Variants in CBLN2 observed in about 807,000 individuals in gnomAD.
CBLN2 encodes the protein cerebellin 2 precursor.
A neutral mutation model predicts 15.0 loss-of-function variants in CBLN2; 7 were observed. That is an observed-to-expected ratio of 0.47 (90% CI 0.27 to 0.88). The LOEUF (loss-of-function observed/expected upper bound fraction) is 0.88. CBLN2 is among the 40% of genes least tolerant of loss of function. The pLI, the probability that CBLN2 is intolerant of heterozygous loss-of-function variation, is 0.14. For synonymous variants in CBLN2, 149 were observed against 135.2 expected, an observed-to-expected ratio of 1.10 and a Z score of -0.71; for missense variants, 242 against 304.5, an observed-to-expected ratio of 0.79 and a Z score of 1.53.
At chr18:72,580,121 ATAG>A (rs1236153258) in intron 1 of CBLN2, among the ~76,000 whole-genome samples, 4 of 152,002 alleles carry the variant, frequency 2.6e-5, no homozygotes, top group South Asian at 4.1e-4. Context: ...ACAAGAAAAA[ATAG>A]TAGGAAAAAA....
Position 72,541,867 on chromosome 18 carries a change from C to T in CBLN2, c.294G>A (p.Thr98=), listed in dbSNP as rs769764685. ...CGGACGGCTCGTGGTTGGTGCTCCG[C>T]GTGGCGGAGAAGGCCACCTTGGCGC... is the stretch of plus-strand genomic sequence containing the variant. ...SGSAKVAFSA[T]RSTNHEPSEM... The change falls in exon 3 of 5, where the codon ACG becomes ACA. Residue 98 remains threonine (T), a synonymous_variant. Transcript: ENST00000269503. The T allele has an allele frequency of 5.0e-6, 8 of 1,604,082 alleles. No individual in the cohort carries two copies. The highest frequency in any genetic ancestry group is 6.8e-6 in the Non-Finnish European group (8 of 1,177,310).
intron 1 of CBLN2, among the ~76,000 whole-genome samples, chr18:72,602,620 T>C (rs2069556520): frequency 6.6e-6 from 1 of 152,118 alleles, no homozygotes; most frequent in African/African-American, 2.4e-5. Flanking sequence ...GCAGATGTGG[T>C]TGAAGCCCAC....
chr18:72,581,162 G>A (rs1023560640), intron 1 of CBLN2, among the ~76,000 whole-genome samples: 5 of 152,072 alleles, frequency 3.3e-5, no homozygotes, highest in African/African-American at 4.8e-5. Context: ...CCTCTATCAG[G>A]AGCCCAATCT....
At chr18:72,552,843 T>C (rs1422590856) in intron 1 of CBLN2, among the ~76,000 whole-genome samples, 2 of 152,164 alleles carry the variant, frequency 1.3e-5, no homozygotes, top group African/African-American at 2.4e-5. Flanking sequence ...TCATTTGATT[T>C]TGACTTTGGG....
rs912473786 is a variant in CBLN2 at position 72,621,693 on chromosome 18, C to T, written c.15+16632G>A. On this transcript the variant is annotated intron_variant, in intron 1 of 2. Coordinates refer to the CBLN2 transcript ENST00000581073. ...ATTGTTTGTTTTACCCTGAAGCTTT[C>T]GTGAAAGCTCTGGTAATCTACTACA... Among the ~76,000 whole-genome samples, 12 of 152,088 alleles carry T rather than the reference C, an allele frequency of 7.9e-5. 1 individual carries two copies. Among genetic ancestry groups the T allele is most frequent in the South Asian group, 2.1e-4 (1 of 4,814 alleles).
At chr18:72,633,809 C>T (rs1377348196) in intron 1 of CBLN2, among the ~76,000 whole-genome samples, 5 of 151,966 alleles carry the variant, frequency 3.3e-5, no homozygotes, top group African/African-American at 9.7e-5. Context: ...TTCTTTACTT[C>T]GAAATTCATT....
chr18:72,576,541 A>G (rs764488881), intron 1 of CBLN2, among the ~76,000 whole-genome samples: 4 of 152,224 alleles, frequency 2.6e-5, no homozygotes, highest in Non-Finnish European at 5.9e-5. Flanking sequence ...TAAATGTTTT[A>G]TAATACGTAC....
intron 1 of CBLN2, among the ~76,000 whole-genome samples, chr18:72,555,185 G>A (rs942957776): frequency 6.6e-6 from 1 of 151,670 alleles, no homozygotes; most frequent in Non-Finnish European, 1.5e-5. Flanking sequence ...GGAAAAAAAA[G>A]CAAATAACTG....
intron 1 of CBLN2, among the ~76,000 whole-genome samples, chr18:72,579,545 A>G (rs894079276): frequency 6.6e-6 from 1 of 152,140 alleles, no homozygotes; most frequent in African/African-American, 2.4e-5. Flanking sequence ...AGCCTGGTCA[A>G]CATGGTGAAA....
chr18:72,558,558 G>T (rs1048709642), intron 1 of CBLN2, among the ~76,000 whole-genome samples: 1 of 152,066 alleles, frequency 6.6e-6, no homozygotes, highest in Non-Finnish European at 1.5e-5. Context: ...GGTGTGCAAA[G>T]CTTCTGTTCT....
chr18:72,637,167 AATTGT>A (rs533874526), intron 1 of CBLN2, among the ~76,000 whole-genome samples: 119 of 152,222 alleles, frequency 7.8e-4, no homozygotes, highest in Non-Finnish European at 1.4e-3. Context: ...TCTGAGAAAC[AATTGT>A]ATTGTATTTT....
At chr18:72,602,564 G>C (rs1568128900) in intron 1 of CBLN2, among the ~76,000 whole-genome samples, 1 of 152,226 alleles carries the variant, frequency 6.6e-6, no homozygotes, top group East Asian at 1.9e-4. Flanking sequence ...GCCGTCCCCA[G>C]TCAATCAATA....
At chr18:72,604,634 G>A (rs1179631314) in intron 1 of CBLN2, among the ~76,000 whole-genome samples, 1 of 152,162 alleles carries the variant, frequency 6.6e-6, no homozygotes, top group East Asian at 1.9e-4. Flanking sequence ...CCTCATGAAT[G>A]GACTAATCCA....
rs2069077729 is a variant in CBLN2, at chr18:72,537,896, C to G, written c.*280G>C. ...TCCCAACAATAAAATCCGATATTGACTTTACAATCACAGGTACAAATTGCT... is the reference window on the plus strand; with the variant it reads ...TCCCAACAATAAAATCCGATATTGAGTTTACAATCACAGGTACAAATTGCT... On this transcript the variant is annotated 3_prime_UTR_variant, in exon 5 of 5. Coordinates refer to ENST00000269503, the MANE Select transcript of CBLN2 (RefSeq NM_182511.4). 1 of 471,798 alleles carries G rather than the reference C, an allele frequency of 2.1e-6. No homozygotes were observed. Among genetic ancestry groups the G allele is most frequent in the South Asian group, 2.5e-5 (1 of 40,666 alleles). The allele number at this position is 471,798 out of a possible 1,614,324, so 29.2% of individuals were successfully genotyped here. A position where few individuals can be genotyped will look rare whatever the true frequency, so the allele number is the denominator to read the frequency against.
chr18:72,568,250 T>C (rs1201949603), intron 1 of CBLN2, among the ~76,000 whole-genome samples: 1 of 152,200 alleles, frequency 6.6e-6, no homozygotes, highest in Non-Finnish European at 1.5e-5. Flanking sequence ...AACAGGGTAA[T>C]TCTCAAACTT....
chr18:72,604,215 AG>A (rs1244399139), intron 1 of CBLN2, among the ~76,000 whole-genome samples: 1 of 152,214 alleles, frequency 6.6e-6, no homozygotes, highest in Non-Finnish European at 1.5e-5. Context: ...CTGTTGAAAC[AG>A]TCTGCTTTAT....
intron 1 of CBLN2, among the ~76,000 whole-genome samples, chr18:72,581,447 T>C (rs188691783): frequency 6.6e-5 from 10 of 152,322 alleles, no homozygotes; most frequent in Admixed American, 6.5e-4. Context: ...TTTATTACTG[T>C]TTAATTTGTA....
intron 1 of CBLN2, among the ~76,000 whole-genome samples, chr18:72,624,394 C>G (rs1354874521): frequency 1.3e-5 from 2 of 152,100 alleles, no homozygotes; most frequent in African/African-American, 4.8e-5. Context: ...AATGCCAGCA[C>G]TTTGGGAAGC....
intron 1 of CBLN2, among the ~76,000 whole-genome samples, chr18:72,595,971 C>G (rs1474124403): frequency 1.3e-5 from 2 of 151,908 alleles, no homozygotes; most frequent in African/African-American, 2.4e-5. Context: ...TTTTTGTATC[C>G]TTTCAGCCAC....
Sources: gnomAD v4.1 joint callset for allele counts (sites outside exome capture counted in the v4.1 genomes callset) on GRCh38, gnomAD v4.1.1 for gene constraint, MANE v1.5 for transcripts, NCBI Gene and HGNC (gene_info 2026-07-23, HGNC 2026-07-21) for gene names.